PTPN9: variants seen among roughly 807,000 people sequenced by gnomAD.
PTPN9 encodes the protein protein tyrosine phosphatase non-receptor type 9, also known as tyrosine-protein phosphatase non-receptor type 9.
PTPN9 carries 26 observed loss-of-function variants against 69.8 expected under a neutral mutation model. The observed-to-expected ratio is 0.37, with a 90% CI of 0.27 to 0.52. The LOEUF (loss-of-function observed/expected upper bound fraction) is 0.52, where lower values mean the gene tolerates loss of function less well. PTPN9 is among the 20% of genes least tolerant of loss of function. The pLI is 0.91. For synonymous variants in PTPN9, 274 were observed against 272.5 expected, an observed-to-expected ratio of 1.01 and a Z score of -0.05; for missense variants, 549 against 740.3, an observed-to-expected ratio of 0.74 and a Z score of 3.00.
chr15:75,473,406 T>C (rs2074579191), intron 10 of PTPN9, among the ~76,000 whole-genome samples: 1 of 152,104 alleles, frequency 6.6e-6, no homozygotes, highest in African/African-American at 2.4e-5. Context: ...CGCACCACAA[T>C]GCCCGGCTAA....
intron 1 of PTPN9, among the ~76,000 whole-genome samples, chr15:75,529,048 G>A (rs1268006457): frequency 6.6e-6 from 1 of 151,482 alleles, no homozygotes; most frequent in Non-Finnish European, 1.5e-5. Flanking sequence ...GTGCAGTGGT[G>A]CGATCTTGGC....
chr15:75,521,933 C>G (rs570767720), intron 4 of PTPN9, among the ~76,000 whole-genome samples: 1 of 152,074 alleles, frequency 6.6e-6, no homozygotes, highest in Non-Finnish European at 1.5e-5. Context: ...CTCAAACTCC[C>G]GGGCTCAGAC....
chr15:75,480,446 T>C (rs2074622580), intron 8 of PTPN9, among the ~76,000 whole-genome samples: 1 of 149,294 alleles, frequency 6.7e-6, no homozygotes, highest in African/African-American at 2.4e-5. Context: ...CTACTAAAAA[T>C]ACAAAAAAGG....
chr15:75,480,454 A>C (rs1479768349), intron 8 of PTPN9, among the ~76,000 whole-genome samples: 1 of 151,300 alleles, frequency 6.6e-6, no homozygotes, highest in African/African-American at 2.4e-5. Flanking sequence ...AATACAAAAA[A>C]GGTCTCTTCC....
At chr15:75,496,681 GA>G (rs1438452305) in intron 7 of PTPN9, among the ~76,000 whole-genome samples, 5 of 151,620 alleles carry the variant, frequency 3.3e-5, no homozygotes, top group Admixed American at 3.3e-4. Context: ...AATTTTTGTA[GA>G]GACAGGGTTT....
chr15:75,521,309 G>C (rs971116105), intron 4 of PTPN9, among the ~76,000 whole-genome samples: 1 of 146,452 alleles, frequency 6.8e-6, no homozygotes, highest in Admixed American at 6.8e-5. Flanking sequence ...AAAAAAAAAC[G>C]GGCGTGGTGG....
intron 1 of PTPN9, among the ~76,000 whole-genome samples, chr15:75,533,610 C>G (rs2074971956): frequency 6.6e-6 from 1 of 152,148 alleles, no homozygotes; most frequent in Admixed American, 6.6e-5. Flanking sequence ...CTATAATTAT[C>G]TACTTCTCCC....
At chr15:75,570,946 T>C (rs2075145652) in intron 1 of PTPN9, among the ~76,000 whole-genome samples, 2 of 152,060 alleles carry the variant, frequency 1.3e-5, no homozygotes, top group Non-Finnish European at 2.9e-5. Context: ...GCTAACATGG[T>C]TCTAAAATTT....
intron 1 of PTPN9, among the ~76,000 whole-genome samples, chr15:75,556,275 G>A (rs1212804743): frequency 6.6e-6 from 1 of 151,752 alleles, no homozygotes; most frequent in Non-Finnish European, 1.5e-5. Flanking sequence ...TGTTGGCCAG[G>A]CTGGTCTCGA....
intron 3 of PTPN9, among the ~76,000 whole-genome samples, chr15:75,523,497 A>G (rs1207404254): frequency 1.3e-5 from 2 of 152,164 alleles, no homozygotes; most frequent in Non-Finnish European, 2.9e-5. Flanking sequence ...TCAACTACAG[A>G]CAGATCAAAG....
intron 1 of PTPN9, among the ~76,000 whole-genome samples, chr15:75,561,091 G>A (rs1053980255): frequency 6.6e-6 from 1 of 151,680 alleles, no homozygotes; most frequent in Non-Finnish European, 1.5e-5. Flanking sequence ...CGAGGCAAGT[G>A]GATCACTTGA....
chr15:75,477,290 A>G (rs1490416321), intron 9 of PTPN9, among the ~76,000 whole-genome samples: 1 of 152,182 alleles, frequency 6.6e-6, no homozygotes, highest in East Asian at 1.9e-4. Context: ...TTCTCAATAG[A>G]TGACATCATT....
chr15:75,497,366 C>G (rs2074748328), intron 7 of PTPN9, among the ~76,000 whole-genome samples: 1 of 152,086 alleles, frequency 6.6e-6, no homozygotes. Flanking sequence ...GCACCCCATA[C>G]TTCTTGTCCC....
intron 1 of PTPN9, among the ~76,000 whole-genome samples, chr15:75,572,795 A>G (rs995020406): frequency 2.0e-5 from 3 of 152,144 alleles, no homozygotes; most frequent in African/African-American, 4.8e-5. Context: ...AGAAAATAAA[A>G]TTTTATTGTA....
chr15:75,529,926 G>A (rs2074947155), intron 1 of PTPN9, among the ~76,000 whole-genome samples: 1 of 150,496 alleles, frequency 6.6e-6, no homozygotes, highest in South Asian at 2.1e-4. Flanking sequence ...AAAAAAAATG[G>A]CTGGGCGTGT....
chr15:75,517,866 C>A (rs150329536), intron 4 of PTPN9, among the ~76,000 whole-genome samples: 4 of 151,838 alleles, frequency 2.6e-5, no homozygotes, highest in Non-Finnish European at 4.4e-5. Flanking sequence ...CCACTCATTA[C>A]GCCCAACAAT....
chr15:75,561,001 A>G (rs2075101881), intron 1 of PTPN9, among the ~76,000 whole-genome samples: 1 of 151,366 alleles, frequency 6.6e-6, no homozygotes, highest in Non-Finnish European at 1.5e-5. Context: ...CCTGGGTGAC[A>G]GAGTGAGAGT....
At chr15:75,535,847 C>T (rs1226129849) in intron 1 of PTPN9, among the ~76,000 whole-genome samples, 1 of 152,124 alleles carries the variant, frequency 6.6e-6, no homozygotes, top group Non-Finnish European at 1.5e-5. Context: ...TGCTATAAGG[C>T]AGCAAGAGGT....
chr15:75,497,480 A>G (rs575459718), intron 7 of PTPN9, among the ~76,000 whole-genome samples: 8 of 152,176 alleles, frequency 5.3e-5, no homozygotes. Context: ...CCTATGCGAC[A>G]GAGCAAGAAC....
Sources: allele counts gnomAD v4.1 joint callset (sites outside exome capture counted in the v4.1 genomes callset), GRCh38; gene constraint gnomAD v4.1.1; transcripts MANE v1.5; gene names NCBI Gene and HGNC (gene_info 2026-07-23, HGNC 2026-07-21).